LIG3: variants seen among roughly 807,000 people sequenced by gnomAD.
The protein encoded by LIG3 is DNA ligase 3.
In LIG3, 58 loss-of-function variants were observed where a neutral mutation model predicts 110.9. The ratio of observed to expected loss-of-function variants is 0.52; its 90% CI spans 0.42 to 0.65. The LOEUF is 0.65. LIG3 is among the 30% of genes least tolerant of loss of function. The pLI is 0.00. For missense variants in LIG3, 1,094 were observed against 1,273.8 expected (o/e 0.86, Z 2.15); for synonymous variants, 422 against 472.8 (o/e 0.89, Z 1.39).
At chr17:34,986,236 T>C (rs993559840) in intron 3 of LIG3, 105 bp downstream of exon 3, 2 of 1,138,248 alleles carry the variant, frequency 1.8e-6, no homozygotes, top group Non-Finnish European at 2.6e-6. Flanking sequence ...TCTCATCTCA[T>C]TAATAATTTG....
In LIG3 at chr17:34,983,214, A is replaced by G. The variant is rs747020405; in HGVS notation, c.209A>G (p.Tyr70Cys). The G allele has an allele frequency of 1.2e-6, 2 of 1,614,078 alleles. No homozygotes were observed. The highest frequency in any genetic ancestry group is 3.3e-5 in the Admixed American group (2 of 60,010). Residue 70 changes from tyrosine (Y) to cysteine (C), a missense_variant, in exon 2 of 20, where the codon TAC (tyrosine) becomes TGC (cysteine). Transcript: ENST00000378526. ...AGCCATCTAAGATCACGTGCCACCT[A>G]CCTTGTTTTCTTGCCAGGGTTGCAT... ...QGSHLRSRAT[Y>C]LVFLPGLHVG... is the part of the protein sequence containing the mutation.
In LIG3 at chr17:34,983,001, GC is replaced by G; in HGVS notation, c.-4del. ...TTTTGGCCTCCTACTCTTTCGTACA[GC>G]TATATGTCTTTGGCTTTCAAGATCT... is the stretch of plus-strand genomic sequence containing the variant. On this transcript the variant is annotated splice_region_variant and 5_prime_UTR_variant, in exon 2 of 20. Transcript: ENST00000378526. 1 of 1,530,254 alleles carries G rather than the reference GC, an allele frequency of 6.5e-7. No homozygotes were observed. The highest frequency in any genetic ancestry group is 1.3e-5 in the South Asian group (1 of 79,720). 94.8% of individuals were successfully genotyped at this position (1,530,254 alleles called of 1,614,324 possible). A position where few individuals can be genotyped will look rare whatever the true frequency, so the allele number is the denominator to read the frequency against.
rs1349831421 is a variant in LIG3 at position 35,009,385 on chromosome 17, T to C, written c.*4879T>C. ...TCTGTCTTTTGAAACAAGTCTTAAC[T>C]GAAATCTCAGAGTAATCAGCAAAAG... is the stretch of plus-strand genomic sequence containing the variant. On this transcript the variant is annotated 3_prime_UTR_variant, in exon 20 of 20. Transcript: ENST00000378526. The C allele has an allele frequency of 6.6e-6, 1 of 152,204 alleles. No individual in the cohort carries two copies. The highest frequency in any genetic ancestry group is 2.4e-5 in the African/African-American group (1 of 41,450). The allele number at this position is 152,204 out of a possible 1,614,324, so 9.4% of individuals were successfully genotyped here.
chr17:34,993,715 C>A (rs760555045), intron 8 of LIG3, among the ~76,000 whole-genome samples: 2 of 152,158 alleles, frequency 1.3e-5, no homozygotes. Flanking sequence ...GATGTCACAT[C>A]GGGGATGAAA....
intron 3 of LIG3, 99 bp downstream of exon 3, chr17:34,986,230 A>G (rs754473113): frequency 5.2e-6 from 6 of 1,156,256 alleles, no homozygotes; most frequent in Admixed American, 2.0e-5. Flanking sequence ...GTGCTATCTC[A>G]TCTCATTAAT....
At chr17:35,010,715 G>T (rs1247591109), downstream of LIG3, 1 of 146,784 alleles carries the variant, frequency 6.8e-6, no homozygotes, top group African/African-American at 2.6e-5. Flanking sequence ...CTGTACCACT[G>T]CACTCCAGCC....
chr17:35,001,508 A>G (rs2090841756), intron 17 of LIG3, 105 bp downstream of exon 17: 1 of 1,225,130 alleles, frequency 8.2e-7, no homozygotes, highest in Non-Finnish European at 1.2e-6. Flanking sequence ...CCTTTCCCCC[A>G]TTCTCCTGAG....
rs968078451 is a variant in LIG3 at position 34,992,541 on chromosome 17, C to T, written c.1304C>T (p.Pro435Leu). The T allele has an allele frequency of 2.5e-6, 4 of 1,604,684 alleles. No individual in the cohort carries two copies. The African/African-American group carries it at 5.4e-5, about 22-fold the overall frequency. Reference sequence around the variant, plus strand: ...CTTGGCAGGTTAGACGCCCTTGACCCCAATGCCTATGAAGCCTTCAAAGCC... The same window carrying T: ...CTTGGCAGGTTAGACGCCCTTGACCTCAATGCCTATGAAGCCTTCAAAGCC... ...GAKHVLDALD[P>L]NAYEAFKASR... Residue 435 changes from proline to leucine, a missense_variant, in exon 8 of 20, where the codon CCC (proline) becomes CTC (leucine). Coordinates refer to ENST00000378526, the MANE Select transcript of LIG3 (RefSeq NM_013975.4).
chr17:34,988,555 G>A (rs760143767), intron 3 of LIG3, among the ~76,000 whole-genome samples: 2 of 152,216 alleles, frequency 1.3e-5, no homozygotes, highest in Non-Finnish European at 2.9e-5. Context: ...TGGTCACAAG[G>A]AGGTGAAAGG....
At position 35,004,043 on chromosome 17, in the gene LIG3, C is replaced by T. The variant is rs772022461; in HGVS notation, c.2797-230C>T. ...CTTCCCATCTCCAGGTCCCAGATGT[C>T]GAGGCCTGTCCACTCTCCTTTTCCC... On this transcript the variant is annotated intron_variant, in intron 19 of 19. Transcript: ENST00000378526. 70 of 540,924 alleles carry T rather than the reference C, an allele frequency of 1.3e-4. No individual in the cohort carries two copies. The Middle Eastern group carries it at 3.5e-3, about 27-fold the overall frequency. The allele number at this position is 540,924 out of a possible 1,614,324, so 33.5% of individuals were successfully genotyped here.
Position 35,006,186 on chromosome 17 carries a change from GAA to G in LIG3, c.*1681_*1682del, listed in dbSNP as rs2090894102. 6.5e-6 allele frequency: 1 copy of G among 154,320 alleles called. No homozygotes were observed. The highest frequency in any genetic ancestry group is 2.4e-5 in the African/African-American group (1 of 41,442). The allele number at this position is 154,320 out of a possible 1,614,324, so 9.6% of individuals were successfully genotyped here. ...TAGTGTAGACAAGTGCTATTCAATA[GAA>G]CTTTTTGCAGCAGTGGAAATATCCA... On this transcript the variant is annotated 3_prime_UTR_variant, in exon 20 of 20. Transcript: ENST00000378526.
chr17:34,994,943 G>A (rs996256204), intron 9 of LIG3, among the ~76,000 whole-genome samples: 2 of 152,134 alleles, frequency 1.3e-5, no homozygotes, highest in African/African-American at 4.8e-5. Context: ...CAGTCTTATG[G>A]GGACATCTAG....
At chr17:34,992,393 T>G in intron 7 of LIG3, 131 bp from the exon 8 acceptor site, 1 of 1,049,000 alleles carries the variant, frequency 9.5e-7, no homozygotes, top group South Asian at 1.6e-5. Flanking sequence ...CTTGTGAAAG[T>G]CTTTAGACAA....
chr17:34,991,731 G>T lies in LIG3; in HGVS notation c.1102G>T (p.Ala368Ser), dbSNP rs753587913. 1 of 1,614,036 alleles carries T rather than the reference G, an allele frequency of 6.2e-7. No individual in the cohort carries two copies. Among genetic ancestry groups the T allele is most frequent in the South Asian group, 1.1e-5 (1 of 91,072 alleles). ...FEQSKSFPPA[A>S]KSLLTIQEVD... Reference sequence around the variant, plus strand: ...GCAGAGCAAGTCTTTCCCCCCAGCTGCCAAGAGCCTCCTTACCATCCAGGA... The same window carrying T: ...GCAGAGCAAGTCTTTCCCCCCAGCTTCCAAGAGCCTCCTTACCATCCAGGA... The change falls in exon 6 of 20, where the codon GCC (alanine) becomes TCC (serine). Residue 368 changes from alanine to serine, a missense_variant. By Grantham distance (99) the Ala-to-Ser change is moderately conservative. Coordinates refer to ENST00000378526, the MANE Select transcript of LIG3 (RefSeq NM_013975.4).
At chr17:34,994,981 G>A (rs569432445) in intron 9 of LIG3, among the ~76,000 whole-genome samples, 1 of 152,274 alleles carries the variant, frequency 6.6e-6, no homozygotes, top group East Asian at 1.9e-4. Flanking sequence ...CTAATCAGGG[G>A]TGGCATTTGG....
chr17:34,993,367 GT>G (rs2090745723), intron 8 of LIG3, among the ~76,000 whole-genome samples: 1 of 152,196 alleles, frequency 6.6e-6, no homozygotes, highest in Admixed American at 6.5e-5. Flanking sequence ...TTGGTTTAGG[GT>G]TTTATGTTTG....
intron 2 of LIG3, among the ~76,000 whole-genome samples, chr17:34,985,304 A>G (rs1299835850): frequency 6.6e-6 from 1 of 152,168 alleles, no homozygotes; most frequent in Non-Finnish European, 1.5e-5. Context: ...AGTTCTGGTC[A>G]CCATAGGAAG....
intron 19 of LIG3, 75 bp downstream of exon 19, chr17:35,002,864 G>T: frequency 2.5e-6 from 4 of 1,575,724 alleles, no homozygotes; most frequent in Non-Finnish European, 3.5e-6. Flanking sequence ...TGTACAAGAA[G>T]TTTGAAAGAG....
Position 34,989,517 on chromosome 17 carries a change from G to A in LIG3, c.743G>A (p.Ser248Asn). The change falls in exon 4 of 20, where the codon AGT becomes AAT. Residue 248 changes from serine to asparagine, a missense_variant. Ser to Asn is a conservative substitution (Grantham distance 46, BLOSUM62 1). Transcript: ENST00000378526. ...EAPSSPTPKR[S>N]LSSSKCDPRH... ...CCCTCGAGCCCCACCCCTAAGAGAA[G>A]TCTGTCTTCAAGCAAATGTGACCCC... 1.2e-6 allele frequency: 2 copies of A among 1,614,080 alleles called. No individual in the cohort carries two copies. Among genetic ancestry groups the A allele is most frequent in the Non-Finnish European group, 1.7e-6 (2 of 1,180,018 alleles).
Sources: allele counts gnomAD v4.1 joint callset (sites outside exome capture counted in the v4.1 genomes callset), GRCh38; gene constraint gnomAD v4.1.1; transcripts MANE v1.5; gene names NCBI Gene and HGNC (gene_info 2026-07-23, HGNC 2026-07-21).